Variants in SOD2 observed in about 807,000 individuals in gnomAD.
SOD2 encodes the protein superoxide dismutase [Mn], mitochondrial.
SOD2 carries 11 observed loss-of-function variants against 27.0 expected under a neutral mutation model. The ratio of observed to expected loss-of-function variants is 0.41; its 90% CI spans 0.26 to 0.67. SOD2 has a LOEUF of 0.67. Among genes scored for constraint, SOD2 ranks in the 30% least tolerant of loss-of-function variants. SOD2 has a pLI of 0.34. For synonymous variants in SOD2, 105 were observed against 103.0 expected, an observed-to-expected ratio of 1.02 and a Z score of -0.12; for missense variants, 250 against 274.5, an observed-to-expected ratio of 0.91 and a Z score of 0.63.
intron 1 of SOD2, among the ~76,000 whole-genome samples, chr6:159,742,696 A>T (rs1394211360): frequency 6.6e-6 from 1 of 152,208 alleles, no homozygotes; most frequent in Admixed American, 6.5e-5. Flanking sequence ...TTGTAACTTC[A>T]GAAGGGTTAA....
rs1179433718 is a variant in SOD2 at position 159,669,841 on chromosome 6, A to G, written c.*12652T>C. On this transcript the variant is annotated 3_prime_UTR_variant, in exon 5 of 5. Coordinates refer to ENST00000538183, the MANE Select transcript of SOD2 (RefSeq NM_000636.4). ...ATACCTTCACTTTTGGCCTGTCTTT[A>G]CAGGTGAGGTTTCTTGTAGGCAGCA... 6.6e-6 allele frequency: 1 copy of G among 152,108 alleles called. No individual in the cohort carries two copies. The highest frequency in any genetic ancestry group is 6.6e-5 in the Admixed American group (1 of 15,264). The allele number at this position is 152,108 out of a possible 1,614,324, so 9.4% of individuals were successfully genotyped here.
rs934806507 is a variant in SOD2, at chr6:159,678,696, G to A, written c.*3797C>T. The stretch of plus-strand genomic sequence containing the variant: ...AAATCAAAACCAAGGAAAGGGTCAC[G>A]GGAACCCCACTTTATAGCCAGTCAG... On this transcript the variant is annotated 3_prime_UTR_variant, in exon 5 of 5. Transcript: ENST00000538183. The A allele has an allele frequency of 2.0e-5, 3 of 152,188 alleles. No individual in the cohort carries two copies. The highest frequency in any genetic ancestry group is 2.1e-4 in the South Asian group (1 of 4,826). 9.4% of individuals were successfully genotyped at this position (152,188 alleles called of 1,614,324 possible).
At chr6:159,742,279 G>A in intron 1 of SOD2, 2 of 664,346 alleles carry the variant, frequency 3.0e-6, no homozygotes, top group Non-Finnish European at 5.0e-6. Flanking sequence ...CATAGGCACT[G>A]TGTTGGGTGC....
chr6:159,709,256 A>G (rs1251384070), intron 1 of SOD2, among the ~76,000 whole-genome samples: 3 of 152,230 alleles, frequency 2.0e-5, no homozygotes, highest in Non-Finnish European at 4.4e-5. Flanking sequence ...AAAAGCCAAA[A>G]TTGACAGATG....
chr6:159,727,830 C>G (rs1778296288), upstream of SOD2: 2 of 672,048 alleles, frequency 3.0e-6, no homozygotes, highest in African/African-American at 1.9e-5. Flanking sequence ...TGGTGCGGCA[C>G]CGGTCTCTCG....
At chr6:159,753,347 A>G in intron 1 of SOD2, 1 of 1,408,794 alleles carries the variant, frequency 7.1e-7, no homozygotes, top group Non-Finnish European at 9.9e-7. Context: ...ATGGGGAAGC[A>G]TCTGCTGTGA....
intron 1 of SOD2, among the ~76,000 whole-genome samples, chr6:159,750,356 T>C (rs1480403159): frequency 6.6e-6 from 1 of 152,220 alleles, no homozygotes; most frequent in Non-Finnish European, 1.5e-5. Flanking sequence ...CTATGGTTTT[T>C]TTCTTGTCAT....
chr6:159,748,952 A>G, upstream of SOD2: 1 of 1,095,688 alleles, frequency 9.1e-7, no homozygotes, highest in Non-Finnish European at 1.1e-6. This position sits in a 1 kb window ranked among gnomAD's most constrained non-coding sequence, Gnocchi z 5.6. Flanking sequence ...TTGCCTTTAA[A>G]GGGTTTATTT....
chr6:159,745,074 A>G (rs1307173740), intron 1 of SOD2: 1 of 152,200 alleles, frequency 6.6e-6, no homozygotes, highest in Non-Finnish European at 1.5e-5. Context: ...TTCTTTCTCC[A>G]TAGTTACTAA....
At position 159,673,622 on chromosome 6, in the gene SOD2, C is replaced by CT. The variant is rs1417202350; in HGVS notation, c.*8870dup. 6.6e-6 allele frequency: 1 copy of CT among 152,026 alleles called. No individual in the cohort carries two copies. The highest frequency in any genetic ancestry group is 1.5e-5 in the Non-Finnish European group (1 of 68,008). The allele number at this position is 152,026 out of a possible 1,614,324, so 9.4% of individuals were successfully genotyped here. A position where few individuals can be genotyped will look rare whatever the true frequency, so the allele number is the denominator to read the frequency against. On this transcript the variant is annotated 3_prime_UTR_variant, in exon 5 of 5. Coordinates refer to ENST00000538183, the MANE Select transcript of SOD2 (RefSeq NM_000636.4). ...AGTGTGTAGAGGGAAATTTACAGCACTAAGTGCCCACAAGAGAAAGCAGGA... is the reference window on the plus strand; with the variant it reads ...AGTGTGTAGAGGGAAATTTACAGCACTTAAGTGCCCACAAGAGAAAGCAGGA...
intron 1 of SOD2, among the ~76,000 whole-genome samples, chr6:159,708,341 A>G (rs1377394431): frequency 2.0e-5 from 3 of 152,258 alleles, no homozygotes; most frequent in Non-Finnish European, 4.4e-5. Flanking sequence ...CCCTGTTTGC[A>G]GATGACACGA....
intron 1 of SOD2, among the ~76,000 whole-genome samples, chr6:159,742,677 T>C (rs931736279): frequency 1.3e-5 from 2 of 152,214 alleles, no homozygotes; most frequent in Non-Finnish European, 2.9e-5. Flanking sequence ...AAAACCAATA[T>C]ATATTGTTTT....
upstream of SOD2, chr6:159,727,475 G>C (rs1350702886): frequency 1.0e-6 from 1 of 993,754 alleles, no homozygotes; most frequent in East Asian, 1.1e-4. Flanking sequence ...GCCGTGCGGC[G>C]GGGCGGGGCC....
At chr6:159,693,335 C>T (rs1423932276), upstream of SOD2, 1 of 302,958 alleles carries the variant, frequency 3.3e-6, no homozygotes, top group South Asian at 1.3e-4. Flanking sequence ...CCCGCCCCCC[C>T]CCCCCGCGGG....
intron 1 of SOD2, among the ~76,000 whole-genome samples, chr6:159,705,663 G>A (rs1165086714): frequency 6.6e-6 from 1 of 152,196 alleles, no homozygotes; most frequent in Non-Finnish European, 1.5e-5. Flanking sequence ...AAAGTGACAG[G>A]GAGAATGGAA....
intron 1 of SOD2, among the ~76,000 whole-genome samples, chr6:159,733,743 G>C (rs1403605225): frequency 6.6e-6 from 1 of 151,686 alleles, no homozygotes; most frequent in Non-Finnish European, 1.5e-5. Flanking sequence ...GAGAAACCCC[G>C]TCTCTACTAA....
rs756387474 is a variant in SOD2, at chr6:159,692,793, G to A, written c.94C>T (p.Pro32Ser). 2 of 1,613,982 alleles carry A rather than the reference G, an allele frequency of 1.2e-6. No individual in the cohort carries two copies. The highest frequency in any genetic ancestry group is 1.3e-5 in the African/African-American group (1 of 74,934). Reference sequence around the variant, plus strand: ...GGTTCCAGGGCGCCGTAGTCGTAGGGCAGGTCGGGGAGGCTGTGCTTCTGC... The same window carrying A: ...GGTTCCAGGGCGCCGTAGTCGTAGGACAGGTCGGGGAGGCTGTGCTTCTGC... ...SRQKHSLPDL[P>S]YDYGALEPHI... is the part of the protein sequence containing the mutation. Residue 32 changes from proline to serine, a missense_variant, in exon 2 of 5, where the codon CCC (proline) becomes TCC (serine). By Grantham distance (74) the Pro-to-Ser change is moderately conservative. Coordinates refer to ENST00000538183, the MANE Select transcript of SOD2 (RefSeq NM_000636.4).
chr6:159,686,873 C>A (rs1343892531), intron 3 of SOD2, among the ~76,000 whole-genome samples: 1 of 152,134 alleles, frequency 6.6e-6, no homozygotes, highest in African/African-American at 2.4e-5. Flanking sequence ...ACGCCTCATG[C>A]CCTCCCTGGG....
chr6:159,739,727 G>A (rs1248965117), intron 1 of SOD2, among the ~76,000 whole-genome samples: 3 of 151,114 alleles, frequency 2.0e-5, no homozygotes, highest in Admixed American at 1.3e-4. Context: ...AAGATGTTTT[G>A]TGAGATAGGC....
Sources: allele counts gnomAD v4.1 joint callset (sites outside exome capture counted in the v4.1 genomes callset), GRCh38; gene constraint gnomAD v4.1.1; non-coding constraint Gnocchi (gnomAD v3.1); transcripts MANE v1.5; gene names NCBI Gene and HGNC (gene_info 2026-07-23, HGNC 2026-07-21).